Variants in ANAPC7 observed in about 807,000 individuals in gnomAD.
The protein encoded by ANAPC7 is anaphase promoting complex subunit 7.
Under a neutral mutation model 63.3 loss-of-function variants are expected in ANAPC7, and 25 were observed. That is an observed-to-expected ratio of 0.39 (90% confidence interval 0.29 to 0.55). ANAPC7 has a LOEUF of 0.55. Among genes scored for constraint, ANAPC7 ranks in the 20% least tolerant of loss-of-function variants. ANAPC7 has a pLI of 0.57. For missense variants in ANAPC7, 516 were observed against 691.7 expected (o/e 0.75, Z 2.85); for synonymous variants, 241 against 251.7 (o/e 0.96, Z 0.40).
rs2062172136 is a variant in ANAPC7, at chr12:110,398,204, C to A, written c.102-1752G>T. 3.3e-5 allele frequency among the ~76,000 whole-genome samples: 5 copies of A among 152,154 alleles called. No homozygotes were observed. The Middle Eastern group carries it at 0.017, about 518-fold the overall frequency. On this transcript the variant is annotated intron_variant, in intron 1 of 10. Coordinates refer to ENST00000455511, the MANE Select transcript of ANAPC7 (RefSeq NM_016238.3). ...GAGGTTGGGGTGAGCCAAGATCGTG[C>A]CACTGCACTCCAGCCTGGGTGACAA...
At chr12:110,390,551 T>C (rs1174713053) in intron 3 of ANAPC7, among the ~76,000 whole-genome samples, 1 of 152,154 alleles carries the variant, frequency 6.6e-6, no homozygotes, top group Non-Finnish European at 1.5e-5. Flanking sequence ...CTGTTCCAAT[T>C]ATAGACCTAC....
At chr12:110,380,623 C>T (rs1448769339) in intron 8 of ANAPC7, among the ~76,000 whole-genome samples, 2 of 147,834 alleles carry the variant, frequency 1.4e-5, no homozygotes, top group Non-Finnish European at 3.0e-5. Context: ...TGCACTCCAG[C>T]CTGGGTGACA....
intron 7 of ANAPC7, among the ~76,000 whole-genome samples, chr12:110,382,303 T>C (rs1881928973): frequency 6.6e-6 from 1 of 151,186 alleles, no homozygotes; most frequent in Non-Finnish European, 1.5e-5. Flanking sequence ...GCACAATGCA[T>C]TCACCAACTC....
rs200316709 is a variant in ANAPC7, at chr12:110,396,461, C to G, written c.102-9G>C. ...GTGGGGAGAATAACTCACTAGAAAA[C>G]AAGAGAAAATGTAATACATCTTTTC... On this transcript the variant is annotated splice_polypyrimidine_tract_variant and intron_variant, in intron 1 of 10. Coordinates refer to ENST00000455511, the MANE Select transcript of ANAPC7 (RefSeq NM_016238.3). 21 of 1,584,694 alleles carry G rather than the reference C, an allele frequency of 1.3e-5. No homozygotes were observed. In the African/African-American group the frequency reaches 1.9e-4, roughly 14 times the overall value.
intron 4 of ANAPC7, 119 bp downstream of exon 4, chr12:110,388,393 A>G: frequency 1.4e-6 from 1 of 716,092 alleles, no homozygotes; most frequent in Non-Finnish European, 2.3e-6. Context: ...ATCCTACTAA[A>G]TCACTCTCTT....
intron 8 of ANAPC7, chr12:110,378,741 C>T (rs1881535415): frequency 6.6e-6 from 1 of 152,208 alleles, no homozygotes. Flanking sequence ...ACCCCAAACC[C>T]ACACAATCCT....
At position 110,377,588 on chromosome 12, in the gene ANAPC7, T is replaced by C; in HGVS notation, c.1162A>G (p.Ser388Gly). 1.9e-6 allele frequency: 3 copies of C among 1,614,232 alleles called. No individual in the cohort carries two copies. The highest frequency in any genetic ancestry group is 2.5e-6 in the Non-Finnish European group (3 of 1,180,032). The change falls in exon 9 of 11, where the codon AGT becomes GGT. Residue 388 changes from serine (S) to glycine (G), a missense_variant. Around this residue, in one of 4 missense-constraint regions of ANAPC7, gnomAD observed 199 missense variants for 249.3 expected, o/e 0.80. Transcript: ENST00000455511. ...GCCATTACCATTGCTTCTCGAATAC[T>C]GTTGGAGGCTAAGTAACATTCGATA... ...GLIECYLASN[S>G]IREAMVMANN...
chr12:110,400,265 T>C (rs912837141), intron 1 of ANAPC7, among the ~76,000 whole-genome samples: 3 of 152,222 alleles, frequency 2.0e-5, no homozygotes, highest in Non-Finnish European at 2.9e-5. Flanking sequence ...CATGTCTACT[T>C]ACACATGCAT....
At chr12:110,381,569 T>G (rs1401748764) in intron 8 of ANAPC7, among the ~76,000 whole-genome samples, 183 bp downstream of exon 8, 4 of 151,984 alleles carry the variant, frequency 2.6e-5, no homozygotes, top group African/African-American at 9.7e-5. Flanking sequence ...TCTCTTGACC[T>G]CATGATCTGC....
At chr12:110,394,696 A>AAAAAT (rs1883416345) in intron 3 of ANAPC7, among the ~76,000 whole-genome samples, 1 of 146,550 alleles carries the variant, frequency 6.8e-6, no homozygotes, top group African/African-American at 2.6e-5. Context: ...AAAAAAAAAA[A>AAAAAT]TTAGCTGGGT....
At chr12:110,385,617 T>A (rs116793868) in intron 6 of ANAPC7, among the ~76,000 whole-genome samples, 1 of 152,204 alleles carries the variant, frequency 6.6e-6, no homozygotes, top group African/African-American at 2.4e-5. Context: ...AACAAATCCA[T>A]CCTTCTAGAT....
chr12:110,402,569 C>T (rs1241249602), intron 1 of ANAPC7, among the ~76,000 whole-genome samples: 1 of 152,018 alleles, frequency 6.6e-6, no homozygotes, highest in Non-Finnish European at 1.5e-5. Flanking sequence ...CTCCTGACCT[C>T]GTGATCCGCC....
At chr12:110,382,461 A>AATATATATATATATATATATATATAT (rs66967302) in intron 7 of ANAPC7, among the ~76,000 whole-genome samples, 4 of 30,840 alleles carry the variant, frequency 1.3e-4, no homozygotes, top group Non-Finnish European at 1.8e-4. Flanking sequence ...AAAAAAAAAA[A>AATATATATATATATATATATATATAT]ATATATATAT....
chr12:110,393,759 T>C (rs943166502), intron 3 of ANAPC7, among the ~76,000 whole-genome samples: 3 of 149,226 alleles, frequency 2.0e-5, no homozygotes, highest in Non-Finnish European at 3.0e-5. Flanking sequence ...CCCAGCTATT[T>C]GGGAGACTGA....
intron 3 of ANAPC7, among the ~76,000 whole-genome samples, chr12:110,390,606 A>G (rs945555555): frequency 6.6e-6 from 1 of 152,232 alleles, no homozygotes; most frequent in African/African-American, 2.4e-5. Context: ...CACTAATTCA[A>G]ACAATGGAAT....
In ANAPC7 at chr12:110,386,316, GAATT is replaced by G; in HGVS notation, c.817+7_817+10del. On this transcript the variant is annotated splice_region_variant and intron_variant, in intron 6 of 10. Coordinates refer to ENST00000455511, the MANE Select transcript of ANAPC7 (RefSeq NM_016238.3). ...AACAGCCACTGTCTTCCTGCCCCAA[GAATT>G]ACTTACCTTTTATCAGATAAGGATC... 6.2e-7 allele frequency: 1 copy of G among 1,613,650 alleles called. No individual in the cohort carries two copies. Among genetic ancestry groups the G allele is most frequent in the Non-Finnish European group, 8.5e-7 (1 of 1,179,956 alleles).
chr12:110,377,926 C>T (rs147090898), intron 8 of ANAPC7: 14 of 720,682 alleles, frequency 1.9e-5, no homozygotes, highest in South Asian at 1.5e-4. Flanking sequence ...AGAATAAATG[C>T]GACACTAATG....
In ANAPC7 at chr12:110,387,806, A is replaced by G; in HGVS notation, c.607T>C (p.Ser203Pro). The G allele has an allele frequency of 6.2e-7, 1 of 1,614,238 alleles. No individual in the cohort carries two copies. Among genetic ancestry groups the G allele is most frequent in the Non-Finnish European group, 8.5e-7 (1 of 1,180,046 alleles). Residue 203 changes from serine (S) to proline (P), a missense_variant, in exon 5 of 11, where the codon TCT (serine) becomes CCT (proline). Physicochemically the swap from Ser to Pro is moderately conservative, Grantham distance 74. Around this residue, in one of 4 missense-constraint regions of ANAPC7, gnomAD observed 199 missense variants for 249.3 expected, o/e 0.80. Coordinates refer to ENST00000455511, the MANE Select transcript of ANAPC7 (RefSeq NM_016238.3). The stretch of plus-strand genomic sequence containing the variant: ...AAAGCATACGCTTTGATCCACACAG[A>G]GAGCCAGTCCAAGTTAGGCACGGTT... Reference protein sequence around the residue: ...IQTVPNLDWLSVWIKAYAFVH... With the variant: ...IQTVPNLDWLPVWIKAYAFVH...
rs191221024 is a variant in ANAPC7 at position 110,383,985 on chromosome 12, G to A, written c.818-1025C>T. Among the ~76,000 whole-genome samples, 1,476 of 150,152 alleles carry A rather than the reference G, an allele frequency of 9.8e-3. 28 individuals carry two copies. The highest frequency in any genetic ancestry group is 0.043 in the Middle Eastern group (12 of 282). On this transcript the variant is annotated intron_variant, in intron 6 of 10. Transcript: ENST00000455511. ...TGGGAGGCTGAGGCAGGTGGATCAC[G>A]AGGTCAGGAGTTCAAGACCAGCCTG...
Sources: allele counts gnomAD v4.1 joint callset (sites outside exome capture counted in the v4.1 genomes callset), GRCh38; gene constraint gnomAD v4.1.1; regional missense constraint gnomAD v4.1.1; transcripts MANE v1.5; gene names NCBI Gene and HGNC (gene_info 2026-07-23, HGNC 2026-07-21).